Variants in MAPKAP1 observed in about 807,000 individuals in gnomAD.
MAPKAP1 encodes the protein MAPK associated protein 1, also known as target of rapamycin complex 2 subunit MAPKAP1.
Under a neutral mutation model 65.7 loss-of-function variants are expected in MAPKAP1, and 20 were observed. The ratio of observed to expected loss-of-function variants is 0.30; its 90% CI spans 0.21 to 0.44. The LOEUF (loss-of-function observed/expected upper bound fraction) is 0.44. Ranked by LOEUF, MAPKAP1 falls within the 20% of genes least tolerant of loss-of-function variation. The pLI, the probability that MAPKAP1 is intolerant of heterozygous loss-of-function variation, is 1.00. For synonymous variants in MAPKAP1, 222 were observed against 244.3 expected, an observed-to-expected ratio of 0.91 and a Z score of 0.85; for missense variants, 423 against 648.0, an observed-to-expected ratio of 0.65 and a Z score of 3.77.
At position 125,524,849 on chromosome 9, in the gene MAPKAP1, A is replaced by C. The variant is rs373388136; in HGVS notation, c.958+18210T>G. ...CCTGCTGAAAAGAAAATTTATGACT[A>C]AAGTTTCTCCAGCTTTTAACCCTTC... On this transcript the variant is annotated intron_variant, in intron 7 of 11. Coordinates refer to ENST00000265960, the MANE Select transcript of MAPKAP1 (RefSeq NM_001006617.3). Among the ~76,000 whole-genome samples the C allele has an allele frequency of 1.5e-4, 23 of 152,342 alleles. No individual in the cohort carries two copies. In the East Asian group the frequency reaches 2.7e-3, roughly 18 times the overall value.
chr9:125,506,581 C>T (rs1829148664), intron 7 of MAPKAP1, among the ~76,000 whole-genome samples, 164 bp from the exon 8 acceptor site: 1 of 152,206 alleles, frequency 6.6e-6, no homozygotes, highest in Admixed American at 6.5e-5. Flanking sequence ...GTTTCTTTTG[C>T]ATAAGGCTTC....
At chr9:125,532,479 T>C (rs899774022) in intron 7 of MAPKAP1, among the ~76,000 whole-genome samples, 1 of 152,254 alleles carries the variant, frequency 6.6e-6, no homozygotes, top group African/African-American at 2.4e-5. Flanking sequence ...GGCATCTCTC[T>C]GCATAGGCAG....
At chr9:125,628,576 G>C (rs184946348) in intron 4 of MAPKAP1, among the ~76,000 whole-genome samples, 1 of 152,162 alleles carries the variant, frequency 6.6e-6, no homozygotes, top group East Asian at 1.9e-4. Context: ...GACTCAAAAT[G>C]GATTAAAGGC....
At chr9:125,511,792 A>G (rs1726979892) in intron 7 of MAPKAP1, among the ~76,000 whole-genome samples, 1 of 152,246 alleles carries the variant, frequency 6.6e-6, no homozygotes, top group African/African-American at 2.4e-5. Context: ...GAGGATTTAA[A>G]AAGTCACAGC....
intron 6 of MAPKAP1, among the ~76,000 whole-genome samples, chr9:125,553,594 T>C (rs538463176): frequency 3.9e-5 from 6 of 152,090 alleles, no homozygotes; most frequent in Admixed American, 6.5e-5. Context: ...AAGAAACTTA[T>C]TGGGAAAATC....
chr9:125,507,113 A>G (rs1175820042), intron 7 of MAPKAP1, among the ~76,000 whole-genome samples: 1 of 152,262 alleles, frequency 6.6e-6, no homozygotes, highest in East Asian at 1.9e-4. Flanking sequence ...CAGGTTCAGT[A>G]GTACTGGAAG....
chr9:125,594,727 G>A (rs1832074978), intron 4 of MAPKAP1, among the ~76,000 whole-genome samples: 1 of 151,998 alleles, frequency 6.6e-6, no homozygotes, highest in African/African-American at 2.4e-5. Flanking sequence ...ATTCAGCTGT[G>A]AATTACATAA....
intron 6 of MAPKAP1, among the ~76,000 whole-genome samples, chr9:125,550,866 A>C (rs974568107): frequency 2.6e-5 from 4 of 152,258 alleles, no homozygotes; most frequent in African/African-American, 9.6e-5. Flanking sequence ...AGCAAACAAT[A>C]AATAACCAGG....
intron 11 of MAPKAP1, among the ~76,000 whole-genome samples, chr9:125,443,927 T>C (rs539547435): frequency 3.3e-5 from 5 of 152,280 alleles, no homozygotes; most frequent in African/African-American, 1.2e-4. Context: ...TTGTGTTTTA[T>C]GCCTGTTTCC....
At chr9:125,680,138 T>C (rs1301996172) in intron 1 of MAPKAP1, among the ~76,000 whole-genome samples, 1 of 152,030 alleles carries the variant, frequency 6.6e-6, no homozygotes, top group Non-Finnish European at 1.5e-5. Context: ...CTTCACACTA[T>C]TAGCATCAGG....
In MAPKAP1 at chr9:125,595,960, G is replaced by A. The variant is rs1202489182; in HGVS notation, c.499-10233C>T. Reference sequence around the variant, plus strand: ...TCAAGAGAAGATTCTCAAAGACCAGGTGCCCACTTAACTGTGAAAAAGATA... The same window carrying A: ...TCAAGAGAAGATTCTCAAAGACCAGATGCCCACTTAACTGTGAAAAAGATA... On this transcript the variant is annotated intron_variant, in intron 4 of 11. Transcript: ENST00000265960. The surrounding 1 kb of genome is among the most constrained non-coding windows in gnomAD (Gnocchi z 4.0). 2 of 1,477,432 alleles carry A rather than the reference G, an allele frequency of 1.4e-6. No individual in the cohort carries two copies. The highest frequency in any genetic ancestry group is 1.9e-6 in the Non-Finnish European group (2 of 1,071,230). 91.5% of individuals were successfully genotyped at this position (1,477,432 alleles called of 1,614,324 possible). A position where few individuals can be genotyped will look rare whatever the true frequency, so the allele number is the denominator to read the frequency against.
Position 125,586,375 on chromosome 9 carries a change from C to T in MAPKAP1, c.499-648G>A, listed in dbSNP as rs141035669. On this transcript the variant is annotated intron_variant, in intron 4 of 11. Coordinates refer to ENST00000265960, the MANE Select transcript of MAPKAP1 (RefSeq NM_001006617.3). The stretch of plus-strand genomic sequence containing the variant: ...TCCACTCTGCCCTCAAGAGCTGCTG[C>T]GCTAATCAGCAAACACCCATAAATC... 4.9e-3 allele frequency among the ~76,000 whole-genome samples: 747 copies of T among 152,272 alleles called. 5 individuals are homozygous for T. The highest frequency in any genetic ancestry group is 0.017 in the African/African-American group (703 of 41,544).
intron 7 of MAPKAP1, among the ~76,000 whole-genome samples, chr9:125,526,757 C>T (rs970537321): frequency 2.6e-5 from 4 of 151,042 alleles, no homozygotes; most frequent in African/African-American, 9.7e-5. Flanking sequence ...ATCAAAGTAG[C>T]ATATATATAG....
At chr9:125,538,854 G>C (rs1383363251) in intron 7 of MAPKAP1, among the ~76,000 whole-genome samples, 1 of 152,120 alleles carries the variant, frequency 6.6e-6, no homozygotes, top group Admixed American at 6.6e-5. Context: ...GTACGACATA[G>C]CTACAGATAC....
In MAPKAP1 at chr9:125,475,989, C is replaced by T. The variant is rs548152896; in HGVS notation, c.1208-7880G>A. Among the ~76,000 whole-genome samples the T allele has an allele frequency of 3.5e-4, 53 of 152,328 alleles. 1 individual carries two copies. Among genetic ancestry groups the T allele is most frequent in the African/African-American group, 1.2e-3 (48 of 41,572 alleles). On this transcript the variant is annotated intron_variant, in intron 9 of 11. Transcript: ENST00000265960. ...CATTAATTCCATCATGCCAGTGCTTCTCAACTTCTTCCAATTCTCAATTCT... is the reference window on the plus strand; with the variant it reads ...CATTAATTCCATCATGCCAGTGCTTTTCAACTTCTTCCAATTCTCAATTCT...
intron 7 of MAPKAP1, among the ~76,000 whole-genome samples, chr9:125,510,980 G>A (rs1048465250): frequency 9.9e-5 from 15 of 152,162 alleles, no homozygotes; most frequent in African/African-American, 3.4e-4. Context: ...TCCTGGCCAA[G>A]CAATTTTGCT....
In MAPKAP1 at chr9:125,693,660, C is replaced by CACATATACACGTGTACAT. The variant is rs1554844589; in HGVS notation, c.-70+13310_-70+13311insATGTACACGTGTATATGT. Among the ~76,000 whole-genome samples, 4 of 130,730 alleles carry CACATATACACGTGTACAT rather than the reference C, an allele frequency of 3.1e-5. No individual in the cohort carries two copies. In the East Asian group the frequency reaches 8.4e-4, roughly 28 times the overall value. 85.8% of individuals were successfully genotyped at this position (130,730 alleles called of 152,430 possible). ...ACACACACATATACACGTATACATACACACACATATACACGTATATATACA... is the reference window on the plus strand; with the variant it reads ...ACACACACATATACACGTATACATACACATATACACGTGTACATACACACATATACACGTATATATACA... On this transcript the variant is annotated intron_variant, in intron 1 of 11. Coordinates refer to ENST00000265960, the MANE Select transcript of MAPKAP1 (RefSeq NM_001006617.3).
chr9:125,526,813 T>C (rs1204421477), intron 7 of MAPKAP1, among the ~76,000 whole-genome samples: 1 of 151,852 alleles, frequency 6.6e-6, no homozygotes, highest in African/African-American at 2.4e-5. Context: ...TCTTGCTCTG[T>C]CACCCAAGCT....
At chr9:125,537,528 C>T (rs1830108012) in intron 7 of MAPKAP1, among the ~76,000 whole-genome samples, 1 of 152,184 alleles carries the variant, frequency 6.6e-6, no homozygotes, top group South Asian at 2.1e-4. Flanking sequence ...GTCACCCAGG[C>T]TGAAGTGCAG....
Sources: gnomAD v4.1 joint callset for allele counts (sites outside exome capture counted in the v4.1 genomes callset) on GRCh38, gnomAD v4.1.1 for gene constraint, Gnocchi (gnomAD v3.1) non-coding constraint, MANE v1.5 for transcripts, NCBI Gene and HGNC (gene_info 2026-07-23, HGNC 2026-07-21) for gene names.